The following CHST13 variants were observed in gnomAD, a reference collection of about 807,000 sequenced individuals.
The protein encoded by CHST13 is carbohydrate sulfotransferase 13.
A neutral mutation model predicts 7.0 loss-of-function variants in CHST13; 1 was observed. The observed-to-expected ratio is 0.14, with a 90% CI of 0.05 to 0.68. The LOEUF (loss-of-function observed/expected upper bound fraction) is 0.68. Ranked by LOEUF, CHST13 falls within the 30% of genes least tolerant of loss-of-function variation. The probability of loss-of-function intolerance (pLI) is 0.82; values close to 1 mark genes in which losing one functional copy is unlikely to be tolerated. For synonymous variants in CHST13, 257 were observed against 240.9 expected (o/e 1.07, Z -0.62); for missense variants, 572 against 507.9 (o/e 1.13, Z -1.21).
In CHST13 at chr3:126,533,703, C is replaced by T. The variant is rs536253348; in HGVS notation, c.98-2568C>T. On this transcript the variant is annotated intron_variant, in intron 1 of 2. Coordinates refer to ENST00000319340, the MANE Select transcript of CHST13 (RefSeq NM_152889.3). ...TTCCCTTTTCTTGTGATGTCTTTGT[C>T]TGGTTTGGTCATCTAGATAATACTG... 9.9e-5 allele frequency among the ~76,000 whole-genome samples: 15 copies of T among 152,128 alleles called. No individual in the cohort carries two copies. The South Asian group carries it at 3.1e-3, about 32-fold the overall frequency.
chr3:126,538,285 G>A (rs1443486778), intron 2 of CHST13, among the ~76,000 whole-genome samples: 1 of 152,264 alleles, frequency 6.6e-6, no homozygotes, highest in Non-Finnish European at 1.5e-5. Context: ...CATAGAGCTG[G>A]CCTCCTGACT....
intron 2 of CHST13, 60 bp from the exon 3 acceptor site, chr3:126,541,673 G>C: frequency 2.2e-6 from 3 of 1,363,774 alleles, no homozygotes; most frequent in Non-Finnish European, 2.8e-6. Flanking sequence ...GGCAGCGCCA[G>C]AGTCAGGGAG....
rs1379753632 is a variant in CHST13, at chr3:126,524,303, G to C, written c.-30G>C. 1 of 1,228,166 alleles carries C rather than the reference G, an allele frequency of 8.1e-7. No individual in the cohort carries two copies. The highest frequency in any genetic ancestry group is 1.6e-5 in the African/African-American group (1 of 63,668). The allele number at this position is 1,228,166 out of a possible 1,614,324, so 76.1% of individuals were successfully genotyped here. ...ACTCCGCCCCCAGCCGTATCCAGCG[G>C]ACTGTCCTCCGCCGCGCGCCCGGCA... On this transcript the variant is annotated 5_prime_UTR_variant, in exon 1 of 3. Coordinates refer to ENST00000319340, the MANE Select transcript of CHST13 (RefSeq NM_152889.3).
intron 2 of CHST13, among the ~76,000 whole-genome samples, chr3:126,540,186 T>G (rs1936928594): frequency 6.6e-6 from 1 of 152,148 alleles, no homozygotes; most frequent in South Asian, 2.1e-4. Flanking sequence ...CGCTTTGGCC[T>G]CCTCTGAAAT....
intron 1 of CHST13, among the ~76,000 whole-genome samples, chr3:126,534,650 C>T (rs1936726593): frequency 6.6e-6 from 1 of 151,026 alleles, no homozygotes; most frequent in South Asian, 2.1e-4. Context: ...AGCCGGGAGA[C>T]AGATAGACAG....
chr3:126,541,358 A>AGCGCT (rs1206462648), intron 2 of CHST13, among the ~76,000 whole-genome samples: 2 of 152,238 alleles, frequency 1.3e-5, no homozygotes, highest in African/African-American at 4.8e-5. Flanking sequence ...GGAATTAAAC[A>AGCGCT]GCGCTGCTTC....
In CHST13 at chr3:126,524,228, C is replaced by G. The variant is rs940805214; in HGVS notation, c.-105C>G. On this transcript the variant is annotated 5_prime_UTR_variant, in exon 1 of 3. Transcript: ENST00000319340. The stretch of plus-strand genomic sequence containing the variant: ...TGCTCCCCTGCCCTGCGCCGCGCCG[C>G]GCGTCTTGGTAGGCGCTGCGCTGCC... 14 of 918,808 alleles carry G rather than the reference C, an allele frequency of 1.5e-5. No homozygotes were observed. The highest frequency in any genetic ancestry group is 2.0e-5 in the Non-Finnish European group (14 of 714,518). 56.9% of individuals were successfully genotyped at this position (918,808 alleles called of 1,614,324 possible). A position where few individuals can be genotyped will look rare whatever the true frequency, so the allele number is the denominator to read the frequency against.
At chr3:126,535,222 TAGACAGACAG>T (rs1936754039) in intron 1 of CHST13, among the ~76,000 whole-genome samples, 1 of 40,708 alleles carries the variant, frequency 2.5e-5, no homozygotes, top group Non-Finnish European at 5.1e-5. Context: ...CCCCAGCCGG[TAGACAGACAG>T]CATCCCTGTC....
chr3:126,525,139 A>G (rs904485033), intron 1 of CHST13, among the ~76,000 whole-genome samples: 3 of 152,028 alleles, frequency 2.0e-5, no homozygotes, highest in African/African-American at 7.2e-5. Context: ...TATACAATCT[A>G]CTTGGGACTG....
chr3:126,542,718 G>A lies in CHST13; in HGVS notation c.*140G>A, dbSNP rs973207685. 1.2e-5 allele frequency: 15 copies of A among 1,271,370 alleles called. No homozygotes were observed. The South Asian group carries it at 2.6e-4, about 22-fold the overall frequency. 78.8% of individuals were successfully genotyped at this position (1,271,370 alleles called of 1,614,324 possible). On this transcript the variant is annotated 3_prime_UTR_variant, in exon 3 of 3. Coordinates refer to ENST00000319340, the MANE Select transcript of CHST13 (RefSeq NM_152889.3). ...CCTGGCCGCCGGGCCAGCGGGCGCAGGGCACACCTGGCCAGGCTTGGGGGC... is the reference window on the plus strand; with the variant it reads ...CCTGGCCGCCGGGCCAGCGGGCGCAAGGCACACCTGGCCAGGCTTGGGGGC...
chr3:126,528,954 C>T (rs571846323), intron 1 of CHST13, among the ~76,000 whole-genome samples: 3 of 152,234 alleles, frequency 2.0e-5, no homozygotes, highest in African/African-American at 4.8e-5. Flanking sequence ...TCGGAGGCCA[C>T]GTGGGAACCT....
chr3:126,529,891 C>G (rs1936615619), intron 1 of CHST13, among the ~76,000 whole-genome samples: 1 of 152,244 alleles, frequency 6.6e-6, no homozygotes, highest in Non-Finnish European at 1.5e-5. Flanking sequence ...GCTACACTGC[C>G]TGGCTCTCCC....
intron 1 of CHST13, chr3:126,529,388 G>C: frequency 1.6e-6 from 2 of 1,289,230 alleles, no homozygotes; most frequent in Non-Finnish European, 2.0e-6. Context: ...GATGCCGCAA[G>C]GGGGGACAGG....
chr3:126,535,739 T>G (rs924030529), intron 1 of CHST13, among the ~76,000 whole-genome samples: 1 of 152,262 alleles, frequency 6.6e-6, no homozygotes, highest in African/African-American at 2.4e-5. Flanking sequence ...TATTCCCTGA[T>G]GGGGAAGCAC....
intron 1 of CHST13, among the ~76,000 whole-genome samples, chr3:126,534,444 C>T (rs570672648): frequency 6.6e-6 from 1 of 152,268 alleles, no homozygotes; most frequent in South Asian, 2.1e-4. Context: ...GACAGACAGA[C>T]AGCATCCCTG....
At position 126,542,821 on chromosome 3, in the gene CHST13, G is replaced by C. The variant is rs892505902; in HGVS notation, c.*243G>C. ...AGGCCTGCTTCCTCCACTTGCTCCA[G>C]CTGACAGGCACCTCTCCAGGCCCCG... On this transcript the variant is annotated 3_prime_UTR_variant, in exon 3 of 3. Transcript: ENST00000319340. 5 of 441,490 alleles carry C rather than the reference G, an allele frequency of 1.1e-5. No individual in the cohort carries two copies. Among genetic ancestry groups the C allele is most frequent in the African/African-American group, 1.0e-4 (5 of 48,630 alleles). The allele number at this position is 441,490 out of a possible 1,614,324, so 27.3% of individuals were successfully genotyped here. A position where few individuals can be genotyped will look rare whatever the true frequency, so the allele number is the denominator to read the frequency against.
At chr3:126,532,914 G>A (rs573734954) in intron 1 of CHST13, among the ~76,000 whole-genome samples, 51 of 152,216 alleles carry the variant, frequency 3.4e-4, no homozygotes, top group South Asian at 1.2e-3. Context: ...ATGTCTTTCC[G>A]TTCATTTGGG....
At chr3:126,539,702 C>G (rs1379426869) in intron 2 of CHST13, among the ~76,000 whole-genome samples, 1 of 128,344 alleles carries the variant, frequency 7.8e-6, no homozygotes, top group African/African-American at 3.0e-5. Context: ...ACACACACCA[C>G]ACACATATGC....
At chr3:126,533,755 T>A (rs1324008709) in intron 1 of CHST13, among the ~76,000 whole-genome samples, 1 of 152,218 alleles carries the variant, frequency 6.6e-6, no homozygotes, top group Non-Finnish European at 1.5e-5. Context: ...TGGGAAGTGT[T>A]CTCTCCTCTT....
Sources: gnomAD v4.1 joint callset for allele counts (sites outside exome capture counted in the v4.1 genomes callset) on GRCh38, gnomAD v4.1.1 for gene constraint, MANE v1.5 for transcripts, NCBI Gene and HGNC (gene_info 2026-07-23, HGNC 2026-07-21) for gene names.